ORC5: variants seen among roughly 807,000 people sequenced by gnomAD.
ORC5 encodes protein phosphatase 1, regulatory subunit 117.
Under a neutral mutation model 58.8 loss-of-function variants are expected in ORC5, and 39 were observed. The observed-to-expected ratio is 0.66, with a 90% CI of 0.51 to 0.87. The LOEUF (loss-of-function observed/expected upper bound fraction) is 0.87. Ranked by LOEUF, ORC5 falls within the 40% of genes least tolerant of loss-of-function variation. The pLI, the probability that ORC5 is intolerant of heterozygous loss-of-function variation, is 0.00. For synonymous variants in ORC5, 218 were observed against 177.6 expected (o/e 1.23, Z -1.81); for missense variants, 493 against 506.3 (o/e 0.97, Z 0.25).
At chr7:104,137,385 C>T (rs374990625) in intron 12 of ORC5, among the ~76,000 whole-genome samples, 3 of 151,906 alleles carry the variant, frequency 2.0e-5, no homozygotes, top group Non-Finnish European at 4.4e-5. Flanking sequence ...CCCAAAGGGT[C>T]GGTGATACAG....
chr7:104,181,990 T>TA (rs1172952668), intron 8 of ORC5, among the ~76,000 whole-genome samples: 3 of 152,178 alleles, frequency 2.0e-5, no homozygotes, highest in East Asian at 3.9e-4. Context: ...TATGTTTCTT[T>TA]AAAAAAAGCT....
intron 4 of ORC5, 40 bp downstream of exon 4, chr7:104,197,685 A>T: frequency 7.5e-7 from 1 of 1,341,760 alleles, no homozygotes; most frequent in Non-Finnish European, 1.1e-6. Context: ...CAATCCATTG[A>T]TTAAGTTGTG....
intron 5 of ORC5, among the ~76,000 whole-genome samples, chr7:104,191,007 C>T (rs369885662): frequency 6.7e-6 from 1 of 149,066 alleles, no homozygotes; most frequent in Admixed American, 6.8e-5. Flanking sequence ...TATTTAAACA[C>T]AGAAGTTGAC....
chr7:104,186,871 T>A (rs1014106853), intron 6 of ORC5, among the ~76,000 whole-genome samples: 3 of 152,182 alleles, frequency 2.0e-5, no homozygotes, highest in Admixed American at 6.6e-5. Context: ...CATTTATGAA[T>A]ATTATTTTTT....
chr7:104,165,329 C>T, intron 10 of ORC5, 47 bp from the exon 11 acceptor site: 1 of 1,096,832 alleles, frequency 9.1e-7, no homozygotes, highest in South Asian at 1.4e-5. Flanking sequence ...CAGTATTCCA[C>T]AAAACCAGAA....
At chr7:104,178,885 G>T (rs898453670) in intron 8 of ORC5, among the ~76,000 whole-genome samples, 5 of 151,782 alleles carry the variant, frequency 3.3e-5, no homozygotes, top group Admixed American at 3.3e-4. Context: ...AACATAAGAT[G>T]TATTTTTAAT....
rs368883549 is a variant in ORC5 at position 104,161,114 on chromosome 7, G to A, written c.1107C>T (p.Ile369=). The A allele has an allele frequency of 7.5e-6, 12 of 1,608,676 alleles. No individual in the cohort carries two copies. The African/African-American group carries it at 1.1e-4, about 14-fold the overall frequency. ...CTGTTGGAGCAACTCTGCTGTCCAC[G>A]ATACTATATAATATTGCTAATAATC... ...LDRLLAILYS[I]VDSRVAPTAN... Residue 369 remains isoleucine, a synonymous_variant, in exon 12 of 14, where the codon ATC becomes ATT. Coordinates refer to ENST00000297431, the MANE Select transcript of ORC5 (RefSeq NM_002553.4).
chr7:104,201,620 T>C (rs1226369833), intron 2 of ORC5, among the ~76,000 whole-genome samples: 1 of 139,300 alleles, frequency 7.2e-6, no homozygotes, highest in Non-Finnish European at 1.5e-5. Context: ...CGAGACCCTG[T>C]CACTATTAAA....
At chr7:104,137,674 C>G (rs1268199970) in intron 12 of ORC5, among the ~76,000 whole-genome samples, 1 of 152,078 alleles carries the variant, frequency 6.6e-6, no homozygotes, top group African/African-American at 2.4e-5. Flanking sequence ...TACCGGCAGA[C>G]ACCAGCAGAT....
chr7:104,187,640 A>G (rs1472122009), intron 6 of ORC5: 1 of 579,636 alleles, frequency 1.7e-6, no homozygotes, highest in East Asian at 1.5e-4. Flanking sequence ...CCTACAATTA[A>G]AACAAAAAAG....
chr7:104,160,219 T>C (rs1229820135), intron 12 of ORC5, among the ~76,000 whole-genome samples: 1 of 152,180 alleles, frequency 6.6e-6, no homozygotes, highest in East Asian at 1.9e-4. Flanking sequence ...AACTCTTCTC[T>C]AAATGAAAAA....
chr7:104,201,643 A>AG (rs1346828245), intron 2 of ORC5, among the ~76,000 whole-genome samples: 2 of 151,092 alleles, frequency 1.3e-5, no homozygotes, highest in African/African-American at 4.9e-5. Context: ...AAAAAAAAAA[A>AG]GAAAAGAAAT....
At chr7:104,206,000 C>A (rs1229288430) in intron 1 of ORC5, among the ~76,000 whole-genome samples, 2 of 152,124 alleles carry the variant, frequency 1.3e-5, no homozygotes. Flanking sequence ...AAAGCCAAAC[C>A]CTGTCTCAAA....
At chr7:104,186,813 T>C (rs891638540) in intron 6 of ORC5, among the ~76,000 whole-genome samples, 1 of 152,180 alleles carries the variant, frequency 6.6e-6, no homozygotes, top group African/African-American at 2.4e-5. Flanking sequence ...TTAAGGATCC[T>C]TTTCTCTATT....
chr7:104,201,931 G>T (rs1044547379), intron 2 of ORC5, among the ~76,000 whole-genome samples: 4 of 151,560 alleles, frequency 2.6e-5, no homozygotes, highest in African/African-American at 7.3e-5. Flanking sequence ...CTTTAAAAAA[G>T]TAAAAAAAAT....
intron 5 of ORC5, among the ~76,000 whole-genome samples, chr7:104,190,260 G>T (rs1489121394): frequency 1.3e-5 from 2 of 152,002 alleles, no homozygotes; most frequent in African/African-American, 4.8e-5. Context: ...AAATACTGTA[G>T]ATTCTAGTTT....
chr7:104,136,922 G>GTT lies in ORC5; in HGVS notation c.1150-31_1150-30dup, dbSNP rs1325635125. On this transcript the variant is annotated intron_variant, in intron 12 of 13. Transcript: ENST00000297431. The surrounding 1 kb of genome is among the most constrained non-coding windows in gnomAD (Gnocchi z 4.2). The stretch of plus-strand genomic sequence containing the variant: ...AAAGAGAACATTTTTATAAGAAACT[G>GTT]TTTTAATAAGATTATGTAATACTTT... 1 of 1,417,168 alleles carries GTT rather than the reference G, an allele frequency of 7.1e-7. No homozygotes were observed. The highest frequency in any genetic ancestry group is 1.0e-6 in the Non-Finnish European group (1 of 1,001,642). The allele number at this position is 1,417,168 out of a possible 1,614,324, so 87.8% of individuals were successfully genotyped here. A position where few individuals can be genotyped will look rare whatever the true frequency, so the allele number is the denominator to read the frequency against.
At chr7:104,137,675 A>G (rs1250550087) in intron 12 of ORC5, among the ~76,000 whole-genome samples, 3 of 152,074 alleles carry the variant, frequency 2.0e-5, no homozygotes, top group Non-Finnish European at 2.9e-5. Context: ...ACCGGCAGAC[A>G]CCAGCAGATG....
chr7:104,196,190 T>C (rs1799797263), intron 4 of ORC5, among the ~76,000 whole-genome samples: 1 of 152,016 alleles, frequency 6.6e-6, no homozygotes, highest in Non-Finnish European at 1.5e-5. Context: ...ATGATCACCA[T>C]TACTGGGCAT....
Sources: gnomAD v4.1 joint callset for allele counts (sites outside exome capture counted in the v4.1 genomes callset) on GRCh38, gnomAD v4.1.1 for gene constraint, Gnocchi (gnomAD v3.1) non-coding constraint, MANE v1.5 for transcripts, NCBI Gene and HGNC (gene_info 2026-07-23, HGNC 2026-07-21) for gene names.